The following B3GALT1 variants were observed in gnomAD, a reference collection of about 807,000 sequenced individuals.
B3GALT1 encodes beta-1,3-galactosyltransferase 1, also known as UDP-Gal:betaGlcNAc beta 1,3-galactosyltransferase, polypeptide 1.
Under a neutral mutation model 23.2 loss-of-function variants are expected in B3GALT1, and 10 were observed. The ratio of observed to expected loss-of-function variants is 0.43; its 90% CI spans 0.27 to 0.73. The LOEUF (loss-of-function observed/expected upper bound fraction) is 0.73, where lower values mean the gene tolerates loss of function less well. B3GALT1 is among the 30% of genes least tolerant of loss of function. B3GALT1 has a pLI of 0.21. For missense variants in B3GALT1, 299 were observed against 405.4 expected (o/e 0.74, Z 2.25); for synonymous variants, 156 against 141.5 (o/e 1.10, Z -0.73).
chr2:167,820,508 C>G (rs1436665254), intron 4 of B3GALT1, among the ~76,000 whole-genome samples: 3 of 152,186 alleles, frequency 2.0e-5, no homozygotes, highest in Non-Finnish European at 4.4e-5. Context: ...CTCCCTTCCC[C>G]TGTGACATTC....
chr2:167,704,627 C>T (rs1686941964), intron 3 of B3GALT1, among the ~76,000 whole-genome samples: 1 of 151,890 alleles, frequency 6.6e-6, no homozygotes, highest in South Asian at 2.1e-4. Flanking sequence ...TTACTATAGA[C>T]AGATGCTGTA....
At chr2:167,510,163 C>G (rs1470078861) in intron 2 of B3GALT1, among the ~76,000 whole-genome samples, 1 of 152,138 alleles carries the variant, frequency 6.6e-6, no homozygotes, top group African/African-American at 2.4e-5. Context: ...ACGAGCCAAG[C>G]ATTCTTCCCT....
intron 3 of B3GALT1, among the ~76,000 whole-genome samples, chr2:167,800,179 T>G (rs926634134): frequency 4.6e-5 from 7 of 152,198 alleles, no homozygotes; most frequent in Non-Finnish European, 8.8e-5. Context: ...GCAGTCCAAT[T>G]AAACTTTTCC....
intron 2 of B3GALT1, among the ~76,000 whole-genome samples, chr2:167,620,118 G>A (rs1285930015): frequency 6.6e-6 from 1 of 152,072 alleles, no homozygotes; most frequent in Non-Finnish European, 1.5e-5. Flanking sequence ...CCAACGGTGT[G>A]AGGAGTGTGT....
chr2:167,496,639 TA>T (rs1699788217), intron 2 of B3GALT1, among the ~76,000 whole-genome samples: 1 of 152,176 alleles, frequency 6.6e-6, no homozygotes, highest in Non-Finnish European at 1.5e-5. Flanking sequence ...ATCAGGGTGT[TA>T]CGGACTGAAG....
chr2:167,542,585 GA>G (rs1683550151), intron 2 of B3GALT1, among the ~76,000 whole-genome samples: 1 of 152,096 alleles, frequency 6.6e-6, no homozygotes, highest in Non-Finnish European at 1.5e-5. Flanking sequence ...CTTTTACAGA[GA>G]AATGGAAGAA....
chr2:167,357,691 A>G (rs796267470), intron 1 of B3GALT1, among the ~76,000 whole-genome samples: 7 of 152,314 alleles, frequency 4.6e-5, no homozygotes, highest in African/African-American at 1.7e-4. Context: ...TGGCTGGTAC[A>G]ATATTGAGCA....
At chr2:167,506,578 A>G (rs1472325027) in intron 2 of B3GALT1, among the ~76,000 whole-genome samples, 1 of 152,182 alleles carries the variant, frequency 6.6e-6, no homozygotes, top group Non-Finnish European at 1.5e-5. Context: ...TTTATGACAA[A>G]CATTACATAT....
At chr2:167,822,771 C>A (rs1689135696) in intron 4 of B3GALT1, among the ~76,000 whole-genome samples, 3 of 152,140 alleles carry the variant, frequency 2.0e-5, no homozygotes, top group African/African-American at 7.2e-5. Flanking sequence ...CCTCCACATG[C>A]CTTTTCAGAT....
chr2:167,668,110 G>A (rs1015798296), intron 3 of B3GALT1, among the ~76,000 whole-genome samples: 6 of 152,192 alleles, frequency 3.9e-5, no homozygotes, highest in African/African-American at 1.4e-4. Context: ...TGATGGTGAT[G>A]TACAGATGGG....
intron 3 of B3GALT1, among the ~76,000 whole-genome samples, chr2:167,720,071 C>T (rs889683302): frequency 2.6e-5 from 4 of 152,168 alleles, no homozygotes; most frequent in Non-Finnish European, 4.4e-5. Flanking sequence ...GTTTCCTTTA[C>T]ATCATATGTT....
intron 1 of B3GALT1, among the ~76,000 whole-genome samples, chr2:167,448,246 G>T (rs1237386515): frequency 6.6e-6 from 1 of 152,064 alleles, no homozygotes; most frequent in African/African-American, 2.4e-5. Context: ...ACCAGCAGTG[G>T]AAAAGTGTTT....
intron 4 of B3GALT1, among the ~76,000 whole-genome samples, chr2:167,835,604 G>A (rs1689447230): frequency 6.6e-6 from 1 of 152,244 alleles, no homozygotes; most frequent in Non-Finnish European, 1.5e-5. Flanking sequence ...TCTGGGGGCA[G>A]GGCACAGACA....
At chr2:167,714,175 A>G (rs1172821575) in intron 3 of B3GALT1, 3 of 1,516,576 alleles carry the variant, frequency 2.0e-6, no homozygotes, top group Non-Finnish European at 2.7e-6. Flanking sequence ...ACAGTCTATC[A>G]GAATTAGAAT....
intron 2 of B3GALT1, among the ~76,000 whole-genome samples, chr2:167,568,282 T>G (rs1450536011): frequency 1.3e-5 from 2 of 152,104 alleles, no homozygotes; most frequent in Non-Finnish European, 2.9e-5. Flanking sequence ...GTTTGTATGG[T>G]AAGTTATGTT....
At chr2:167,829,578 T>C (rs1385193582) in intron 4 of B3GALT1, among the ~76,000 whole-genome samples, 1 of 152,120 alleles carries the variant, frequency 6.6e-6, no homozygotes, top group African/African-American at 2.4e-5. Context: ...GGGAGCCAAG[T>C]CTTCCCCCAC....
chr2:167,801,750 A>G (rs1688642041), intron 3 of B3GALT1, among the ~76,000 whole-genome samples: 1 of 152,242 alleles, frequency 6.6e-6, no homozygotes, highest in African/African-American at 2.4e-5. Context: ...ATACAACATG[A>G]CAACACTTAA....
chr2:167,615,644 C>T (rs1235761332), intron 2 of B3GALT1, among the ~76,000 whole-genome samples: 1 of 150,540 alleles, frequency 6.6e-6, no homozygotes. Flanking sequence ...CAATTTTTGT[C>T]AATTAAAAAA....
chr2:167,308,382 G>A (rs1381418471), intron 1 of B3GALT1, among the ~76,000 whole-genome samples: 1 of 151,884 alleles, frequency 6.6e-6, no homozygotes, highest in Non-Finnish European at 1.5e-5. Context: ...TCTAATAAGG[G>A]AAAAAACTGC....
Sources: gnomAD v4.1 joint callset for allele counts (sites outside exome capture counted in the v4.1 genomes callset) on GRCh38, gnomAD v4.1.1 for gene constraint, MANE v1.5 for transcripts, NCBI Gene and HGNC (gene_info 2026-07-23, HGNC 2026-07-21) for gene names.